PDS5B: variants seen among roughly 807,000 people sequenced by gnomAD.
PDS5B encodes PDS5 cohesin associated factor B, also known as sister chromatid cohesion protein PDS5 homolog B.
Under a neutral mutation model 184.1 loss-of-function variants are expected in PDS5B, and 51 were observed. The ratio of observed to expected loss-of-function variants is 0.28; its 90% CI spans 0.22 to 0.35. The LOEUF is 0.35. Ranked by LOEUF, PDS5B falls within the 10% of genes least tolerant of loss-of-function variation. PDS5B has a pLI of 1.00. For missense variants in PDS5B, 1,180 were observed against 1,723.3 expected (o/e 0.68, Z 5.58); for synonymous variants, 566 against 569.2 (o/e 0.99, Z 0.08).
At chr13:32,618,483 G>A (rs971624707) in intron 1 of PDS5B, among the ~76,000 whole-genome samples, 3 of 151,378 alleles carry the variant, frequency 2.0e-5, no homozygotes, top group Non-Finnish European at 2.9e-5. Context: ...CCAGTTACCC[G>A]TCCAGTGTAA....
intron 13 of PDS5B, among the ~76,000 whole-genome samples, chr13:32,691,445 A>G (rs539231021): frequency 6.6e-6 from 1 of 152,138 alleles, no homozygotes; most frequent in Non-Finnish European, 1.5e-5. Flanking sequence ...TGTCTGCATT[A>G]CTTCCTTTTT....
chr13:32,671,900 A>G (rs1353948548), intron 7 of PDS5B, among the ~76,000 whole-genome samples: 1 of 152,226 alleles, frequency 6.6e-6, no homozygotes. Flanking sequence ...GATACATGGC[A>G]GGGTATGCTT....
intron 1 of PDS5B, among the ~76,000 whole-genome samples, chr13:32,587,604 C>G (rs957044839): frequency 6.6e-6 from 1 of 152,180 alleles, no homozygotes; most frequent in African/African-American, 2.4e-5. Context: ...CGCCGCCCCT[C>G]GCCTTCGGAG....
At chr13:32,652,649 T>A (rs1007106945) in intron 3 of PDS5B, 2 of 150,224 alleles carry the variant, frequency 1.3e-5, no homozygotes, top group African/African-American at 4.9e-5. Context: ...CATAACTACT[T>A]GGGAAGCTGA....
intron 3 of PDS5B, among the ~76,000 whole-genome samples, chr13:32,654,303 C>T (rs535214876): frequency 3.9e-5 from 6 of 152,204 alleles, no homozygotes; most frequent in East Asian, 1.9e-4. Flanking sequence ...TGAGCCTTAC[C>T]TTTCCACTTT....
Position 32,683,998 on chromosome 13 carries a change from TGAGA to T in PDS5B, c.1185_1188del (p.Arg396HisfsTer2). On this transcript the variant is annotated frameshift_variant, in exon 11 of 35. Coordinates refer to ENST00000315596, the MANE Select transcript of PDS5B (RefSeq NM_015032.4). LOFTEE classifies it high-confidence loss of function. ...GTCAATGATCACTTACTTAATTTTG[TGAGA>T]GAGAGAACATTAGACAAACGAGTAA... The T allele has an allele frequency of 6.4e-7, 1 of 1,572,296 alleles. No individual in the cohort carries two copies. The highest frequency in any genetic ancestry group is 8.7e-7 in the Non-Finnish European group (1 of 1,145,918).
intron 1 of PDS5B, among the ~76,000 whole-genome samples, chr13:32,599,527 G>A (rs563866463): frequency 1.3e-4 from 19 of 151,856 alleles, no homozygotes; most frequent in Non-Finnish European, 2.1e-4. Context: ...GGCTCCCAAA[G>A]TGCTGGGATT....
intron 13 of PDS5B, chr13:32,691,181 A>G (rs992496291): frequency 1.3e-5 from 2 of 151,930 alleles, no homozygotes; most frequent in African/African-American, 2.4e-5. Context: ...TAACATATAC[A>G]TGTATATGTA....
chr13:32,770,064 A>G, intron 31 of PDS5B, 57 bp from the exon 32 acceptor site: 1 of 1,493,048 alleles, frequency 6.7e-7, no homozygotes, highest in Non-Finnish European at 9.0e-7. Context: ...TTCATTCCTC[A>G]AAATATGTAT....
chr13:32,594,815 C>A (rs1269024095), intron 1 of PDS5B, among the ~76,000 whole-genome samples: 2 of 152,054 alleles, frequency 1.3e-5, no homozygotes, highest in Non-Finnish European at 2.9e-5. Flanking sequence ...AGTAAATAAT[C>A]TTTTAGTGAG....
Position 32,739,604 on chromosome 13 carries a change from G to A in PDS5B, c.2407-1476G>A, listed in dbSNP as rs535370767. 2.6e-5 allele frequency among the ~76,000 whole-genome samples: 4 copies of A among 151,982 alleles called. No individual in the cohort carries two copies. In the South Asian group the frequency reaches 8.3e-4, roughly 32 times the overall value. Reference sequence around the variant, plus strand: ...TTCTGTATATTTACTTCCATTTTAGGTATTTATCCTTTTTCATCCTAACTT... The same window carrying A: ...TTCTGTATATTTACTTCCATTTTAGATATTTATCCTTTTTCATCCTAACTT... On this transcript the variant is annotated intron_variant, in intron 21 of 34. Coordinates refer to ENST00000315596, the MANE Select transcript of PDS5B (RefSeq NM_015032.4).
rs1444076455 is a variant in PDS5B at position 32,755,741 on chromosome 13, G to A, written c.2942-101G>A. 4 of 576,058 alleles carry A rather than the reference G, an allele frequency of 6.9e-6. No individual in the cohort carries two copies. The Admixed American group carries it at 9.8e-5, about 14-fold the overall frequency. The allele number at this position is 576,058 out of a possible 1,614,324, so 35.7% of individuals were successfully genotyped here. A position where few individuals can be genotyped will look rare whatever the true frequency, so the allele number is the denominator to read the frequency against. On this transcript the variant is annotated intron_variant, in intron 25 of 34. Coordinates refer to ENST00000315596, the MANE Select transcript of PDS5B (RefSeq NM_015032.4). Reference sequence around the variant, plus strand: ...CAGAAAATATAGTACGAAAGAAAGAGTATGTAAGATTTGGTTTTCTAACCT... The same window carrying A: ...CAGAAAATATAGTACGAAAGAAAGAATATGTAAGATTTGGTTTTCTAACCT...
intron 10 of PDS5B, among the ~76,000 whole-genome samples, chr13:32,679,387 T>G (rs937916652): frequency 3.9e-5 from 6 of 152,110 alleles, no homozygotes; most frequent in Non-Finnish European, 5.9e-5. Flanking sequence ...AATTCTAGCT[T>G]CAGGCCGAGC....
intron 1 of PDS5B, among the ~76,000 whole-genome samples, chr13:32,646,422 G>T (rs1950229421): frequency 1.1e-5 from 1 of 89,258 alleles, no homozygotes; most frequent in Non-Finnish European, 2.1e-5. Flanking sequence ...ACTACAAATT[G>T]CTATTCATTC....
chr13:32,679,701 C>G (rs997905961), intron 10 of PDS5B, among the ~76,000 whole-genome samples: 1 of 151,988 alleles, frequency 6.6e-6, no homozygotes, highest in East Asian at 1.9e-4. Context: ...CAGTTTCATC[C>G]TTTTTGGGAG....
At chr13:32,732,306 T>G (rs969374462) in intron 20 of PDS5B, 82 bp downstream of exon 20, 1 of 898,318 alleles carries the variant, frequency 1.1e-6, no homozygotes, top group African/African-American at 1.7e-5. Context: ...AATGTTCACA[T>G]TTGGTGATGC....
chr13:32,603,086 C>T (rs934514901), intron 1 of PDS5B, among the ~76,000 whole-genome samples: 3 of 152,194 alleles, frequency 2.0e-5, no homozygotes, highest in Non-Finnish European at 4.4e-5. Flanking sequence ...TGTGCAGAAG[C>T]TCTTTAGTTT....
At chr13:32,753,098 T>TA (rs1954044441) in intron 24 of PDS5B, among the ~76,000 whole-genome samples, 1 of 152,210 alleles carries the variant, frequency 6.6e-6, no homozygotes, top group Admixed American at 6.5e-5. Context: ...TTTTCTGTTT[T>TA]AAAAGTATGT....
chr13:32,631,467 A>G (rs549073658), intron 1 of PDS5B, among the ~76,000 whole-genome samples: 14 of 152,182 alleles, frequency 9.2e-5, no homozygotes, highest in Admixed American at 9.2e-4. Flanking sequence ...CAACTTTAAT[A>G]TAAGCTATGC....
Sources: gnomAD v4.1 joint callset for allele counts (sites outside exome capture counted in the v4.1 genomes callset) on GRCh38, gnomAD v4.1.1 for gene constraint, MANE v1.5 for transcripts, NCBI Gene and HGNC (gene_info 2026-07-23, HGNC 2026-07-21) for gene names.